Variants in HTR1E observed in about 807,000 individuals in gnomAD.
HTR1E encodes the protein 5-HT-1E.
Under a neutral mutation model 3.4 loss-of-function variants are expected in HTR1E, and 3 were observed. The observed-to-expected ratio is 0.89, with a 90% CI of 0.41 to 2.31. The LOEUF (loss-of-function observed/expected upper bound fraction) is 2.31, where lower values mean the gene tolerates loss of function less well. HTR1E is among the 30% of genes most tolerant of loss of function. The pLI is 0.05. For synonymous variants in HTR1E, 170 were observed against 182.8 expected (o/e 0.93, Z 0.56); for missense variants, 392 against 467.0 (o/e 0.84, Z 1.48).
chr6:87,016,097 G>A lies in HTR1E; in HGVS notation c.763G>A (p.Glu255Lys). Residue 255 changes from glutamate to lysine, a missense_variant, in exon 2 of 2, where the codon GAG (glutamate) becomes AAG (lysine). Physicochemically the swap from Glu to Lys is moderately conservative, Grantham distance 56. Transcript: ENST00000305344. ...SDFSTSDPTT[E>K]FEKFHASIRI... ...CTTCTCCACCTCAGACCCTACCACAGAGTTTGAAAAGTTCCATGCCTCCAT... is the reference window on the plus strand; with the variant it reads ...CTTCTCCACCTCAGACCCTACCACAAAGTTTGAAAAGTTCCATGCCTCCAT... The A allele has an allele frequency of 1.9e-6, 3 of 1,614,122 alleles. No individual in the cohort carries two copies. Among genetic ancestry groups the A allele is most frequent in the Non-Finnish European group, 1.7e-6 (2 of 1,180,042 alleles).
At chr6:87,012,956 C>CTT (rs2127833992) in intron 1 of HTR1E, among the ~76,000 whole-genome samples, 1 of 152,324 alleles carries the variant, frequency 6.6e-6, no homozygotes, top group Admixed American at 6.5e-5. Flanking sequence ...GACTCAGGCA[C>CTT]ACTTTTTAGG....
rs1768102428 is a variant in HTR1E at position 87,006,088 on chromosome 6, G to C, written c.-185-9062G>C. 2.6e-5 allele frequency among the ~76,000 whole-genome samples: 4 copies of C among 152,198 alleles called. No homozygotes were observed. The South Asian group carries it at 8.3e-4, about 31-fold the overall frequency. ...CAAAAGATAGGCAATAACAAATGCT[G>C]GTGAAGAATTGGAGAAAATGGAATC... On this transcript the variant is annotated intron_variant, in intron 1 of 1. Coordinates refer to ENST00000305344, the MANE Select transcript of HTR1E (RefSeq NM_000865.3).
Position 86,947,906 on chromosome 6 carries a change from C to T in HTR1E, c.-186+10083C>T, listed in dbSNP as rs139378374. Reference sequence around the variant, plus strand: ...TTTACTTTAAGTTTGGTGATACATACGCAGAATGTGCAGGTTTGTTACATA... The same window carrying T: ...TTTACTTTAAGTTTGGTGATACATATGCAGAATGTGCAGGTTTGTTACATA... On this transcript the variant is annotated intron_variant, in intron 1 of 1. Transcript: ENST00000305344. Among the ~76,000 whole-genome samples the T allele has an allele frequency of 1.4e-3, 217 of 152,154 alleles. 1 individual carries two copies. The highest frequency in any genetic ancestry group is 4.7e-3 in the African/African-American group (196 of 41,518).
chr6:86,944,531 T>C (rs1245081984), intron 1 of HTR1E, among the ~76,000 whole-genome samples: 2 of 152,222 alleles, frequency 1.3e-5, no homozygotes, highest in African/African-American at 4.8e-5. Context: ...AGAATCCAGT[T>C]CCACTTTATA....
intron 1 of HTR1E, among the ~76,000 whole-genome samples, chr6:86,997,113 CAG>C (rs1767951033): frequency 6.6e-6 from 1 of 151,854 alleles, no homozygotes; most frequent in African/African-American, 2.4e-5. Context: ...TCAATCAACA[CAG>C]AAAAATTATT....
At chr6:86,989,951 G>A (rs1767849846) in intron 1 of HTR1E, among the ~76,000 whole-genome samples, 1 of 152,158 alleles carries the variant, frequency 6.6e-6, no homozygotes. Context: ...GCCCTTTGAG[G>A]TGGCTGGAAC....
intron 1 of HTR1E, among the ~76,000 whole-genome samples, chr6:86,964,822 T>C (rs1767453152): frequency 6.6e-6 from 1 of 152,226 alleles, no homozygotes; most frequent in Admixed American, 6.5e-5. Context: ...ATGAATTATT[T>C]AAATCATAGG....
intron 1 of HTR1E, among the ~76,000 whole-genome samples, chr6:86,949,675 C>A (rs1767196513): frequency 6.6e-6 from 1 of 151,996 alleles, no homozygotes; most frequent in Admixed American, 6.5e-5. Flanking sequence ...TAGGTTATCA[C>A]AACTTGTAAC....
At chr6:86,995,398 G>A (rs1001017696) in intron 1 of HTR1E, among the ~76,000 whole-genome samples, 2 of 151,600 alleles carry the variant, frequency 1.3e-5, no homozygotes, top group Non-Finnish European at 2.9e-5. Context: ...AGACACAGTG[G>A]CTCAAGCCTG....
rs775465353 is a variant in HTR1E, at chr6:87,015,329, G to C, written c.-6G>C. ...TCTCCACAGTGTAGACTGAAACAAG[G>C]GAAACATGAACATCACAAACTGTAC... On this transcript the variant is annotated 5_prime_UTR_variant, in exon 2 of 2. Transcript: ENST00000305344. 3.9e-6 allele frequency: 6 copies of C among 1,534,588 alleles called. No individual in the cohort carries two copies. The South Asian group carries it at 7.6e-5, about 19-fold the overall frequency.
intron 1 of HTR1E, among the ~76,000 whole-genome samples, chr6:86,987,749 G>T (rs182124354): frequency 6.6e-6 from 1 of 152,118 alleles, no homozygotes; most frequent in South Asian, 2.1e-4. Flanking sequence ...ACATTAGCAG[G>T]TTTGGTTGTC....
intron 1 of HTR1E, among the ~76,000 whole-genome samples, chr6:86,953,517 T>G (rs1015529164): frequency 6.6e-6 from 1 of 152,140 alleles, no homozygotes; most frequent in African/African-American, 2.4e-5. Context: ...TAGAAGGGAC[T>G]AGGCCATGTG....
intron 1 of HTR1E, among the ~76,000 whole-genome samples, chr6:86,980,220 T>C (rs552250298): frequency 2.0e-5 from 3 of 152,022 alleles, no homozygotes; most frequent in Non-Finnish European, 2.9e-5. Context: ...ACCCTGTCTC[T>C]ACTAAAAATA....
At chr6:86,963,226 T>A (rs779103631) in intron 1 of HTR1E, among the ~76,000 whole-genome samples, 5 of 151,988 alleles carry the variant, frequency 3.3e-5, no homozygotes, top group African/African-American at 9.7e-5. Context: ...AACAAAAAAA[T>A]TTACATAGGA....
rs530172310 is a variant in HTR1E at position 87,009,762 on chromosome 6, C to T, written c.-185-5388C>T. Among the ~76,000 whole-genome samples the T allele has an allele frequency of 2.0e-3, 278 of 138,976 alleles. 14 individuals carry two copies. Among genetic ancestry groups the T allele is most frequent in the Non-Finnish European group, 3.8e-3 (248 of 65,586 alleles). The allele number at this position is 138,976 out of a possible 152,430, so 91.2% of individuals were successfully genotyped here. A position where few individuals can be genotyped will look rare whatever the true frequency, so the allele number is the denominator to read the frequency against. On this transcript the variant is annotated intron_variant, in intron 1 of 1. Transcript: ENST00000305344. The stretch of plus-strand genomic sequence containing the variant: ...GGGGCTCCTCACTTCCCAGTAGGGG[C>T]GGCTGGCCGGGCAGGGGGGCTGACC...
intron 1 of HTR1E, among the ~76,000 whole-genome samples, chr6:87,012,531 T>C (rs1768253646): frequency 1.3e-5 from 2 of 152,056 alleles, no homozygotes; most frequent in Non-Finnish European, 2.9e-5. Context: ...TCTGCACTTG[T>C]ACCCTCAAAA....
intron 1 of HTR1E, among the ~76,000 whole-genome samples, chr6:86,958,620 A>G (rs927266075): frequency 1.3e-5 from 2 of 152,202 alleles, no homozygotes; most frequent in African/African-American, 4.8e-5. Flanking sequence ...CTCAACAAAT[A>G]TTTGAATAAA....
At chr6:86,967,625 G>C (rs1388278449) in intron 1 of HTR1E, among the ~76,000 whole-genome samples, 4 of 152,064 alleles carry the variant, frequency 2.6e-5, no homozygotes, top group African/African-American at 9.7e-5. Context: ...GCGAAAGAGA[G>C]GAAAGCTTAG....
chr6:86,961,730 C>T (rs927939481), intron 1 of HTR1E, among the ~76,000 whole-genome samples: 1 of 152,206 alleles, frequency 6.6e-6, no homozygotes, highest in East Asian at 1.9e-4. Flanking sequence ...CTTTATGTTG[C>T]TCTTGGTTTT....
Sources: allele counts gnomAD v4.1 joint callset (sites outside exome capture counted in the v4.1 genomes callset), GRCh38; gene constraint gnomAD v4.1.1; transcripts MANE v1.5; gene names NCBI Gene and HGNC (gene_info 2026-07-23, HGNC 2026-07-21).